Variants in GABRG3 observed in about 807,000 individuals in gnomAD.
GABRG3 encodes gamma-aminobutyric acid receptor subunit gamma-3.
GABRG3 carries 25 observed loss-of-function variants against 48.8 expected under a neutral mutation model. The observed-to-expected ratio is 0.51, with a 90% CI of 0.37 to 0.72. GABRG3 has a LOEUF of 0.72. GABRG3 is among the 30% of genes least tolerant of loss of function. GABRG3 has a pLI of 0.00. For synonymous variants in GABRG3, 227 were observed against 217.6 expected (o/e 1.04, Z -0.38); for missense variants, 394 against 577.9 (o/e 0.68, Z 3.26).
At chr15:27,299,879 C>G (rs116769401) in intron 3 of GABRG3, among the ~76,000 whole-genome samples, 2 of 152,096 alleles carry the variant, frequency 1.3e-5, no homozygotes, top group African/African-American at 4.8e-5. Flanking sequence ...TAAAAAAGTA[C>G]TAGGTAGCTT....
chr15:27,358,971 G>A (rs1197308307), intron 5 of GABRG3, among the ~76,000 whole-genome samples: 2 of 152,232 alleles, frequency 1.3e-5, no homozygotes, highest in Non-Finnish European at 2.9e-5. Context: ...TCCCTGGGGA[G>A]GACCCGGCGG....
chr15:27,501,913 C>T (rs2150854540), intron 6 of GABRG3, among the ~76,000 whole-genome samples: 1 of 152,162 alleles, frequency 6.6e-6, no homozygotes, highest in East Asian at 2.0e-4. Flanking sequence ...TAGGGGACAG[C>T]ACTTGCTTCC....
At chr15:27,453,966 C>T (rs532099247) in intron 5 of GABRG3, among the ~76,000 whole-genome samples, 5 of 152,258 alleles carry the variant, frequency 3.3e-5, no homozygotes, top group Admixed American at 1.3e-4. Context: ...AACTGTTTCT[C>T]AGCTATGCCT....
intron 3 of GABRG3, among the ~76,000 whole-genome samples, chr15:27,072,783 G>A (rs1595506784): frequency 6.6e-6 from 1 of 152,154 alleles, no homozygotes; most frequent in Non-Finnish European, 1.5e-5. Flanking sequence ...AGGCTCAGAA[G>A]TGCCACGCTT....
At position 26,998,470 on chromosome 15, in the gene GABRG3, G is replaced by A. The variant is rs367822657; in HGVS notation, c.202+21320G>A. Among the ~76,000 whole-genome samples, 7 of 152,296 alleles carry A rather than the reference G, an allele frequency of 4.6e-5. No individual in the cohort carries two copies. In the East Asian group the frequency reaches 1.4e-3, roughly 29 times the overall value. On this transcript the variant is annotated intron_variant, in intron 2 of 9. Transcript: ENST00000615808. ...GCTGCACAACAGGCATTGGGGTGGTGCTGGTGGCAACCCCTGATCTTGGCT... is the reference window on the plus strand; with the variant it reads ...GCTGCACAACAGGCATTGGGGTGGTACTGGTGGCAACCCCTGATCTTGGCT...
chr15:27,409,129 A>AT (rs573521365), intron 5 of GABRG3, among the ~76,000 whole-genome samples: 13 of 152,022 alleles, frequency 8.6e-5, no homozygotes, highest in African/African-American at 2.7e-4. Flanking sequence ...CCAACTTAAT[A>AT]TTTTTTTCTT....
intron 3 of GABRG3, among the ~76,000 whole-genome samples, chr15:27,254,638 G>T (rs1461589041): frequency 6.6e-6 from 1 of 152,190 alleles, no homozygotes; most frequent in East Asian, 1.9e-4. Context: ...TCACATGGTG[G>T]AAAGGACAAG....
At chr15:27,173,746 G>A (rs1887651178) in intron 3 of GABRG3, among the ~76,000 whole-genome samples, 1 of 151,752 alleles carries the variant, frequency 6.6e-6, no homozygotes, top group Non-Finnish European at 1.5e-5. Context: ...GTGTGGCATG[G>A]TGGCTTGCAC....
intron 3 of GABRG3, among the ~76,000 whole-genome samples, chr15:27,241,356 C>G (rs778000652): frequency 1.8e-4 from 28 of 152,148 alleles, no homozygotes; most frequent in Non-Finnish European, 3.4e-4. Context: ...TTTTAATTGA[C>G]CAAGTTTAGA....
At chr15:27,422,303 T>C (rs1439318620) in intron 5 of GABRG3, 1 of 152,652 alleles carries the variant, frequency 6.6e-6, no homozygotes, top group Non-Finnish European at 1.5e-5. Flanking sequence ...TCCAGGGGAG[T>C]GAGCTGCGTA....
intron 3 of GABRG3, among the ~76,000 whole-genome samples, chr15:27,186,262 A>G (rs1434304621): frequency 6.6e-6 from 1 of 152,058 alleles, no homozygotes; most frequent in Non-Finnish European, 1.5e-5. Context: ...AACATGTGGT[A>G]TTTGGTTTTC....
chr15:26,971,512 C>G lies in GABRG3; in HGVS notation c.-24C>G. The G allele has an allele frequency of 6.6e-7, 1 of 1,506,212 alleles. No homozygotes were observed. The highest frequency in any genetic ancestry group is 2.1e-5 in the Admixed American group (1 of 47,184). 93.3% of individuals were successfully genotyped at this position (1,506,212 alleles called of 1,614,324 possible). A position where few individuals can be genotyped will look rare whatever the true frequency, so the allele number is the denominator to read the frequency against. On this transcript the variant is annotated 5_prime_UTR_variant, in exon 1 of 10. Transcript: ENST00000615808. ...CCGCGCCCGGCCGAGGCCCCGGACC[C>G]TGCGCCCCGAGCTCCACGGCACCAT...
At chr15:27,041,431 T>C (rs576362488) in intron 3 of GABRG3, among the ~76,000 whole-genome samples, 1 of 152,262 alleles carries the variant, frequency 6.6e-6, no homozygotes, top group South Asian at 2.1e-4. Flanking sequence ...TCTTCCTGCC[T>C]TGGCCTCTCA....
intron 3 of GABRG3, among the ~76,000 whole-genome samples, chr15:27,137,677 GT>G (rs10715209): frequency 0.3 from 46,209 of 152,002 alleles, 7,939 homozygotes; most frequent in Middle Eastern, 0.41. Flanking sequence ...ACTTATCTCT[GT>G]TTTCAAACAC....
chr15:27,485,805 T>C (rs1890206573), intron 6 of GABRG3, among the ~76,000 whole-genome samples: 1 of 152,162 alleles, frequency 6.6e-6, no homozygotes, highest in Admixed American at 6.5e-5. Context: ...CAGAATTTTC[T>C]GTTAAAAAGC....
intron 6 of GABRG3, among the ~76,000 whole-genome samples, chr15:27,513,399 A>G (rs59937179): frequency 0.14 from 20,619 of 151,528 alleles, 3,640 homozygotes; most frequent in African/African-American, 0.41. Flanking sequence ...GCAGTGAGCC[A>G]AGATGGCGCC....
chr15:27,142,603 A>T (rs968484530), intron 3 of GABRG3, among the ~76,000 whole-genome samples: 3 of 152,194 alleles, frequency 2.0e-5, no homozygotes, highest in African/African-American at 7.2e-5. Context: ...GGGGACACAG[A>T]GCCAAACCAT....
In GABRG3 at chr15:27,179,762, A is replaced by G. The variant is rs1278888074; in HGVS notation, c.271-147047A>G. On this transcript the variant is annotated intron_variant, in intron 3 of 9. Transcript: ENST00000615808. This position sits in a 1 kb window ranked among gnomAD's most constrained non-coding sequence, Gnocchi z 4.0. ...GTGTGAATTTTGAATGCTGTGGGAA[A>G]GATGGAAGCCAAAGATGCACCGGGT... Among the ~76,000 whole-genome samples the G allele has an allele frequency of 2.0e-5, 3 of 152,164 alleles. No individual in the cohort carries two copies. Among genetic ancestry groups the G allele is most frequent in the Non-Finnish European group, 4.4e-5 (3 of 68,038 alleles).
intron 7 of GABRG3, among the ~76,000 whole-genome samples, chr15:27,523,325 T>A (rs1891200646): frequency 2.0e-5 from 3 of 151,764 alleles, no homozygotes; most frequent in African/African-American, 7.2e-5. Flanking sequence ...TTACAATGAA[T>A]AGCATCTTTC....
Sources: gnomAD v4.1 joint callset for allele counts (sites outside exome capture counted in the v4.1 genomes callset) on GRCh38, gnomAD v4.1.1 for gene constraint, Gnocchi (gnomAD v3.1) non-coding constraint, MANE v1.5 for transcripts, NCBI Gene and HGNC (gene_info 2026-07-23, HGNC 2026-07-21) for gene names.